The following FTO variants were observed in gnomAD, a reference collection of about 807,000 sequenced individuals.
FTO encodes alpha-ketoglutarate-dependent dioxygenase FTO.
FTO carries 47 observed loss-of-function variants against 63.9 expected under a neutral mutation model. That is an observed-to-expected ratio of 0.74 (90% CI 0.58 to 0.94). FTO has a LOEUF of 0.94. Ranked by LOEUF, FTO falls within the 40% of genes least tolerant of loss-of-function variation. The pLI is 0.00. For synonymous variants in FTO, 207 were observed against 224.4 expected, an observed-to-expected ratio of 0.92 and a Z score of 0.69; for missense variants, 562 against 618.1, an observed-to-expected ratio of 0.91 and a Z score of 0.96.
rs554710675 is a variant in FTO at position 53,790,205 on chromosome 16, C to T, written c.46-19935C>T. On this transcript the variant is annotated intron_variant, in intron 1 of 8. Transcript: ENST00000471389. ...TAAGTTCATCCTCATTATTGTGGAA[C>T]CCATCACCACTATCCATCTTCAAAA... Among the ~76,000 whole-genome samples, 20 of 151,766 alleles carry T rather than the reference C, an allele frequency of 1.3e-4. 1 individual carries two copies. The South Asian group carries it at 4.2e-3, about 32-fold the overall frequency.
At chr16:53,719,276 GA>G (rs990238542) in intron 1 of FTO, among the ~76,000 whole-genome samples, 5 of 78,216 alleles carry the variant, frequency 6.4e-5, no homozygotes, top group African/African-American at 9.6e-5. Context: ...TTTTTTTTTT[GA>G]GCAGAGTCTT....
chr16:54,100,005 AAC>A (rs1462290981), intron 8 of FTO, among the ~76,000 whole-genome samples: 1 of 152,150 alleles, frequency 6.6e-6, no homozygotes, highest in Non-Finnish European at 1.5e-5. Context: ...GTGGCAGGTT[AAC>A]ACAGTGCAGT....
intron 8 of FTO, among the ~76,000 whole-genome samples, chr16:54,110,557 C>T (rs708279): frequency 0.028 from 4,226 of 152,212 alleles, 212 homozygotes; most frequent in African/African-American, 0.097. Context: ...ATGTTTTCCC[C>T]GGGGGGATCC....
At chr16:53,945,509 C>G (rs112238726) in intron 8 of FTO, among the ~76,000 whole-genome samples, 42 of 152,258 alleles carry the variant, frequency 2.8e-4, no homozygotes, top group African/African-American at 9.4e-4. Context: ...TTTTAGAGAC[C>G]TTCTAGGATC....
At chr16:54,057,681 C>T (rs1433492234) in intron 8 of FTO, among the ~76,000 whole-genome samples, 3 of 151,724 alleles carry the variant, frequency 2.0e-5, no homozygotes, top group Non-Finnish European at 2.9e-5. Flanking sequence ...CCATGTTGCC[C>T]AGCTGGGCAA....
chr16:54,008,500 A>G (rs557243175), intron 8 of FTO: 22 of 151,982 alleles, frequency 1.4e-4, no homozygotes, highest in African/African-American at 5.3e-4. Flanking sequence ...CCAGTGTCAT[A>G]CTGCAATGAA....
intron 1 of FTO, among the ~76,000 whole-genome samples, chr16:53,785,361 G>T (rs1196219771): frequency 6.6e-6 from 1 of 152,174 alleles, no homozygotes; most frequent in Non-Finnish European, 1.5e-5. Context: ...CTTAGTCTCT[G>T]CTTTCATGGA....
intron 8 of FTO, among the ~76,000 whole-genome samples, chr16:53,936,122 T>C (rs908679438): frequency 6.6e-6 from 1 of 152,232 alleles, no homozygotes; most frequent in Non-Finnish European, 1.5e-5. Context: ...TTTCAGCATT[T>C]CTGGCCCTTA....
chr16:53,918,348 T>C (rs957362641), intron 7 of FTO, among the ~76,000 whole-genome samples: 1 of 152,226 alleles, frequency 6.6e-6, no homozygotes, highest in African/African-American at 2.4e-5. Flanking sequence ...CATGTTACTG[T>C]ACTGCACACT....
At chr16:53,855,710 C>A (rs2079971854) in intron 4 of FTO, among the ~76,000 whole-genome samples, 1 of 152,224 alleles carries the variant, frequency 6.6e-6, no homozygotes, top group South Asian at 2.1e-4. Flanking sequence ...TTAGAATCTT[C>A]CATGGCAGCC....
chr16:53,967,732 A>T (rs2083226960), intron 8 of FTO, among the ~76,000 whole-genome samples: 1 of 152,212 alleles, frequency 6.6e-6, no homozygotes, highest in African/African-American at 2.4e-5. Flanking sequence ...AGGCAGAAAG[A>T]CTAAACGAAG....
intron 3 of FTO, among the ~76,000 whole-genome samples, chr16:53,837,509 G>GC (rs1555482783): frequency 1.3e-5 from 2 of 151,170 alleles, no homozygotes; most frequent in Admixed American, 1.3e-4. Flanking sequence ...TGATTAGTTT[G>GC]TTTTTTTTTC....
At chr16:53,704,010 C>T (rs1051911497), upstream of FTO, 5 of 716,528 alleles carry the variant, frequency 7.0e-6, no homozygotes, top group African/African-American at 3.5e-5. Context: ...TGTGCTAAAT[C>T]CCGTGGCGCT....
intron 7 of FTO, among the ~76,000 whole-genome samples, chr16:53,927,818 G>A (rs1490437596): frequency 2.0e-5 from 3 of 152,148 alleles, no homozygotes; most frequent in Non-Finnish European, 2.9e-5. Flanking sequence ...TCCACCACTA[G>A]GGATATGCAA....
At chr16:54,058,725 TC>T (rs1179602168) in intron 8 of FTO, among the ~76,000 whole-genome samples, 2 of 152,104 alleles carry the variant, frequency 1.3e-5, no homozygotes, top group Non-Finnish European at 2.9e-5. Flanking sequence ...ACTTGGCTTT[TC>T]CCCCCACCTC....
At chr16:53,723,362 G>A (rs1351447737) in intron 1 of FTO, among the ~76,000 whole-genome samples, 2 of 152,176 alleles carry the variant, frequency 1.3e-5, no homozygotes. Context: ...AAAGTTTTTA[G>A]TATTATTTCA....
chr16:53,706,857 T>C (rs1198602789), intron 1 of FTO, among the ~76,000 whole-genome samples: 1 of 152,226 alleles, frequency 6.6e-6, no homozygotes, highest in Admixed American at 6.5e-5. Context: ...TGGACTCTTA[T>C]GAAAAAAGCT....
chr16:53,738,418 A>G (rs1164355524), intron 1 of FTO, among the ~76,000 whole-genome samples: 1 of 152,234 alleles, frequency 6.6e-6, no homozygotes, highest in Non-Finnish European at 1.5e-5. Context: ...CACGGATTAC[A>G]GGCAATACTT....
At chr16:53,738,421 C>CA (rs2076442565) in intron 1 of FTO, among the ~76,000 whole-genome samples, 1 of 152,160 alleles carries the variant, frequency 6.6e-6, no homozygotes, top group Admixed American at 6.5e-5. Context: ...GGATTACAGG[C>CA]AATACTTTAT....
Sources: gnomAD v4.1 joint callset for allele counts (sites outside exome capture counted in the v4.1 genomes callset) on GRCh38, gnomAD v4.1.1 for gene constraint, MANE v1.5 for transcripts, NCBI Gene and HGNC (gene_info 2026-07-23, HGNC 2026-07-21) for gene names.